Variants in XYLT1 observed in about 807,000 individuals in gnomAD.
The protein encoded by XYLT1 is xylosyltransferase 1, also known as beta-D-xylosyltransferase 1.
In XYLT1, 36 loss-of-function variants were observed where a neutral mutation model predicts 91.3. The ratio of observed to expected loss-of-function variants is 0.39; its 90% CI spans 0.30 to 0.52. The LOEUF (loss-of-function observed/expected upper bound fraction) is 0.52. Among genes scored for constraint, XYLT1 ranks in the 20% least tolerant of loss-of-function variants. The pLI, the probability that XYLT1 is intolerant of heterozygous loss-of-function variation, is 0.68. For missense variants in XYLT1, 1,242 were observed against 1,284.5 expected (o/e 0.97, Z 0.51); for synonymous variants, 588 against 532.0 (o/e 1.11, Z -1.45).
intron 3 of XYLT1, among the ~76,000 whole-genome samples, chr16:17,242,140 T>C (rs1489196263): frequency 1.3e-5 from 2 of 152,170 alleles, no homozygotes; most frequent in African/African-American, 2.4e-5. Flanking sequence ...ACATGGGAAT[T>C]GTGGGAGTAC....
intron 2 of XYLT1, among the ~76,000 whole-genome samples, chr16:17,260,745 A>G (rs747496572): frequency 2.0e-5 from 3 of 152,236 alleles, no homozygotes; most frequent in African/African-American, 7.2e-5. Context: ...TTCCTGATAC[A>G]ATAGCAGAGT....
intron 2 of XYLT1, among the ~76,000 whole-genome samples, chr16:17,271,675 C>T (rs1207669431): frequency 6.6e-6 from 1 of 152,106 alleles, no homozygotes; most frequent in Non-Finnish European, 1.5e-5. Flanking sequence ...CAGTCATGTG[C>T]CCTTGTTACA....
At chr16:17,256,800 C>T (rs1355592529) in intron 3 of XYLT1, among the ~76,000 whole-genome samples, 2 of 152,232 alleles carry the variant, frequency 1.3e-5, no homozygotes, top group South Asian at 4.1e-4. Context: ...AGGAGGACAC[C>T]AGGCAAAGCC....
At chr16:17,195,740 G>A (rs1399561476) in intron 5 of XYLT1, among the ~76,000 whole-genome samples, 1 of 151,954 alleles carries the variant, frequency 6.6e-6, no homozygotes, top group East Asian at 1.9e-4. Context: ...CACTGCACCC[G>A]GCCCACATCT....
chr16:17,401,338 T>A (rs1054118608), intron 1 of XYLT1, among the ~76,000 whole-genome samples: 32 of 152,180 alleles, frequency 2.1e-4, no homozygotes, highest in South Asian at 2.1e-4. Context: ...CCAGACGGAC[T>A]TCCTGCAAGT....
intron 1 of XYLT1, among the ~76,000 whole-genome samples, chr16:17,407,089 C>T (rs1410048075): frequency 6.6e-6 from 1 of 152,120 alleles, no homozygotes; most frequent in African/African-American, 2.4e-5. Context: ...GCAACCTCTG[C>T]CTCCGGAGTT....
intron 2 of XYLT1, among the ~76,000 whole-genome samples, chr16:17,317,290 C>T (rs1567371557): frequency 6.6e-6 from 1 of 152,140 alleles, no homozygotes; most frequent in East Asian, 1.9e-4. Context: ...TTGACGGATG[C>T]CCTGGAAGAC....
At chr16:17,285,967 A>G (rs1050936355) in intron 2 of XYLT1, among the ~76,000 whole-genome samples, 10 of 151,944 alleles carry the variant, frequency 6.6e-5, no homozygotes, top group Non-Finnish European at 1.3e-4. Flanking sequence ...AGAGAGAGAC[A>G]GAGAGACAGA....
chr16:17,422,219 T>C (rs999593039), intron 1 of XYLT1, among the ~76,000 whole-genome samples: 1 of 150,740 alleles, frequency 6.6e-6, no homozygotes, highest in Non-Finnish European at 1.5e-5. Context: ...TTTGTAGAGG[T>C]GGGGTCTCGC....
chr16:17,340,908 TA>T (rs1162527820), intron 2 of XYLT1, among the ~76,000 whole-genome samples: 2 of 152,230 alleles, frequency 1.3e-5, no homozygotes, highest in African/African-American at 4.8e-5. Context: ...ATACCCCATG[TA>T]AAAAAATGCT....
chr16:17,148,140 C>CTGTGTCT (rs1397622784), intron 6 of XYLT1, among the ~76,000 whole-genome samples: 1 of 152,222 alleles, frequency 6.6e-6, no homozygotes, highest in Non-Finnish European at 1.5e-5. Flanking sequence ...CCCATGACAC[C>CTGTGTCT]TGTGTCTTGA....
chr16:17,135,709 AAG>A (rs1295235345), intron 8 of XYLT1, among the ~76,000 whole-genome samples: 2 of 152,248 alleles, frequency 1.3e-5, no homozygotes, highest in Admixed American at 6.5e-5. Context: ...AGATGGGACG[AAG>A]AGTCAGGGTC....
chr16:17,274,654 G>C (rs2033944815), intron 2 of XYLT1, among the ~76,000 whole-genome samples: 1 of 152,152 alleles, frequency 6.6e-6, no homozygotes, highest in Non-Finnish European at 1.5e-5. Flanking sequence ...GGTCCAAGGA[G>C]AATGGAGGAG....
intron 3 of XYLT1, among the ~76,000 whole-genome samples, chr16:17,246,211 G>A (rs1246570968): frequency 6.6e-6 from 1 of 152,208 alleles, no homozygotes; most frequent in African/African-American, 2.4e-5. Flanking sequence ...AAGTTGTTAT[G>A]AGGAATAAAT....
chr16:17,385,965 G>A (rs1475955156), intron 1 of XYLT1, among the ~76,000 whole-genome samples: 6 of 152,212 alleles, frequency 3.9e-5, no homozygotes, highest in Admixed American at 2.0e-4. Context: ...TGGTTCAAGG[G>A]TAAATGACTT....
chr16:17,133,841 T>C (rs1338421416), intron 9 of XYLT1, among the ~76,000 whole-genome samples: 10 of 152,186 alleles, frequency 6.6e-5, no homozygotes, highest in African/African-American at 2.2e-4. Flanking sequence ...TAAGGGGTGG[T>C]TGAGAAGTTT....
chr16:17,226,856 G>A (rs2141717646), intron 3 of XYLT1, among the ~76,000 whole-genome samples: 1 of 152,276 alleles, frequency 6.6e-6, no homozygotes, highest in African/African-American at 2.4e-5. Flanking sequence ...GATAGACCTG[G>A]GTCCATCACT....
At chr16:17,426,188 T>A (rs966622794) in intron 1 of XYLT1, among the ~76,000 whole-genome samples, 1 of 152,166 alleles carries the variant, frequency 6.6e-6, no homozygotes, top group African/African-American at 2.4e-5. Context: ...ATGTTCTAGA[T>A]ACGGGGAGAA....
chr16:17,405,370 T>G (rs2036019704), intron 1 of XYLT1, among the ~76,000 whole-genome samples: 1 of 152,172 alleles, frequency 6.6e-6, no homozygotes, highest in South Asian at 2.1e-4. Context: ...AAAAGTCACT[T>G]TATAAAGCAT....
Sources: allele counts gnomAD v4.1 joint callset (sites outside exome capture counted in the v4.1 genomes callset), GRCh38; gene constraint gnomAD v4.1.1; transcripts MANE v1.5; gene names NCBI Gene and HGNC (gene_info 2026-07-23, HGNC 2026-07-21).